Variants in CDC20B observed in about 807,000 individuals in gnomAD.
The protein encoded by CDC20B is cell division cycle 20B.
CDC20B carries 58 observed loss-of-function variants against 64.1 expected under a neutral mutation model. That is an observed-to-expected ratio of 0.90 (90% CI 0.73 to 1.13). The LOEUF is 1.13. CDC20B is among the 50% of genes most tolerant of loss of function. CDC20B has a pLI of 0.00. For missense variants in CDC20B, 597 were observed against 633.0 expected (o/e 0.94, Z 0.61); for synonymous variants, 243 against 230.6 (o/e 1.05, Z -0.49).
At chr5:55,119,756 C>A in intron 11 of CDC20B, 45 bp downstream of exon 11, 1 of 1,159,506 alleles carries the variant, frequency 8.6e-7, no homozygotes. Flanking sequence ...AACAACAGCT[C>A]ACTTTGCTAT....
intron 2 of CDC20B, among the ~76,000 whole-genome samples, chr5:55,149,236 G>A (rs1191154443): frequency 1.3e-5 from 2 of 152,164 alleles, no homozygotes; most frequent in South Asian, 2.1e-4. Context: ...GTAAGGATGC[G>A]AAGAAACTGG....
intron 2 of CDC20B, among the ~76,000 whole-genome samples, chr5:55,149,286 G>T (rs998072642): frequency 2.0e-5 from 3 of 152,208 alleles, no homozygotes; most frequent in Admixed American, 6.5e-5. Context: ...GTGAAAGGAT[G>T]CAGTCATTGT....
chr5:55,160,192 CA>C (rs766258930), intron 2 of CDC20B: 2 of 1,612,602 alleles, frequency 1.2e-6, no homozygotes, highest in Non-Finnish European at 1.7e-6. Flanking sequence ...AATCCTCCAA[CA>C]TGGAGCCTCT....
Position 55,137,993 on chromosome 5 carries a change from T to C in CDC20B, c.580+2321A>G, listed in dbSNP as rs569243003. The stretch of plus-strand genomic sequence containing the variant: ...GTGGGTTAGTTAAAAGACTGTCAAG[T>C]TCCCACACATACACACACACCCTGC... On this transcript the variant is annotated intron_variant, in intron 5 of 11. Transcript: ENST00000381375. Among the ~76,000 whole-genome samples, 3 of 151,986 alleles carry C rather than the reference T, an allele frequency of 2.0e-5. No individual in the cohort carries two copies. In the East Asian group the frequency reaches 5.8e-4, roughly 29 times the overall value.
At chr5:55,120,010 G>A in intron 10 of CDC20B, 92 bp from the exon 11 acceptor site, 2 of 902,594 alleles carry the variant, frequency 2.2e-6, no homozygotes, top group Middle Eastern at 2.3e-4. Flanking sequence ...CACTGTCCAT[G>A]ACCCAACCTC....
At chr5:55,142,674 A>G (rs1743363157) in intron 4 of CDC20B, among the ~76,000 whole-genome samples, 1 of 152,138 alleles carries the variant, frequency 6.6e-6, no homozygotes, top group African/African-American at 2.4e-5. Flanking sequence ...GCCATTCCCT[A>G]TCCCCCAAAC....
chr5:55,150,935 G>A (rs994613730), intron 2 of CDC20B, among the ~76,000 whole-genome samples: 4 of 151,988 alleles, frequency 2.6e-5, no homozygotes, highest in Non-Finnish European at 5.9e-5. Context: ...TTGGAGAGAC[G>A]GGGTTTCACC....
At chr5:55,123,198 A>G (rs1198716163) in intron 9 of CDC20B, among the ~76,000 whole-genome samples, 1 of 152,118 alleles carries the variant, frequency 6.6e-6, no homozygotes, top group African/African-American at 2.4e-5. Context: ...TCAAAATAAA[A>G]TATCTACAAT....
At chr5:55,130,587 G>T (rs1743005833) in intron 6 of CDC20B, among the ~76,000 whole-genome samples, 1 of 152,126 alleles carries the variant, frequency 6.6e-6, no homozygotes, top group Non-Finnish European at 1.5e-5. Context: ...CTGGAAGATG[G>T]AAAATCTAAC....
rs762014074 is a variant in CDC20B, at chr5:55,124,959, G to A, written c.1059C>T (p.Arg353=). 6.2e-7 allele frequency: 1 copy of A among 1,614,156 alleles called. No individual in the cohort carries two copies. Among genetic ancestry groups the A allele is most frequent in the South Asian group, 1.1e-5 (1 of 91,086 alleles). ...RVAQHHVGTL[R]HKQAVCALKW... is the part of the protein sequence containing the mutation. ...TCAGAGCACACACAGCTTGCTTGTGGCGAAGTGTTCCAACATGATGCTGGG... is the reference window on the plus strand; with the variant it reads ...TCAGAGCACACACAGCTTGCTTGTGACGAAGTGTTCCAACATGATGCTGGG... The change falls in exon 9 of 12, where the codon CGC becomes CGT. Residue 353 remains arginine (R), a synonymous_variant. Transcript: ENST00000381375.
chr5:55,137,216 C>A lies in CDC20B; in HGVS notation c.580+3098G>T, dbSNP rs114065334. On this transcript the variant is annotated intron_variant, in intron 5 of 11. Transcript: ENST00000381375. ...AAAAGAAAGAAAGCACTGAGAGCTCCAAATGTAGCATGGAACAGGACCTTC... is the reference window on the plus strand; with the variant it reads ...AAAAGAAAGAAAGCACTGAGAGCTCAAAATGTAGCATGGAACAGGACCTTC... 842 of 165,204 alleles carry A rather than the reference C, an allele frequency of 5.1e-3. 11 individuals are homozygous for A. Among genetic ancestry groups the A allele is most frequent in the African/African-American group, 0.019 (805 of 41,678 alleles). 10.2% of individuals were successfully genotyped at this position (165,204 alleles called of 1,614,324 possible). A position where few individuals can be genotyped will look rare whatever the true frequency, so the allele number is the denominator to read the frequency against.
chr5:55,148,984 A>G (rs1420698023), intron 2 of CDC20B, among the ~76,000 whole-genome samples: 1 of 152,234 alleles, frequency 6.6e-6, no homozygotes, highest in Non-Finnish European at 1.5e-5. Flanking sequence ...CTCTCAACTG[A>G]GAACATGAGG....
chr5:55,131,669 TA>T (rs1341993754), intron 6 of CDC20B, among the ~76,000 whole-genome samples: 1 of 152,172 alleles, frequency 6.6e-6, no homozygotes, highest in Non-Finnish European at 1.5e-5. Flanking sequence ...TGATGAGACT[TA>T]AAACTTGACT....
intron 2 of CDC20B, among the ~76,000 whole-genome samples, chr5:55,156,890 A>G (rs1338005268): frequency 6.6e-6 from 1 of 152,144 alleles, no homozygotes; most frequent in African/African-American, 2.4e-5. Context: ...TAATAATAAT[A>G]AATAAAAAAA....
intron 11 of CDC20B, among the ~76,000 whole-genome samples, chr5:55,116,023 G>A (rs968023936): frequency 6.6e-6 from 1 of 152,150 alleles, no homozygotes; most frequent in African/African-American, 2.4e-5. Flanking sequence ...TATTTTATAG[G>A]TGAGGGAAAA....
intron 2 of CDC20B, among the ~76,000 whole-genome samples, chr5:55,153,475 C>T (rs1423736507): frequency 6.6e-6 from 1 of 152,006 alleles, no homozygotes; most frequent in East Asian, 1.9e-4. Context: ...AAAATACATG[C>T]CCCCTGATAG....
chr5:55,163,438 T>G (rs1379913977), intron 2 of CDC20B, among the ~76,000 whole-genome samples: 1 of 152,088 alleles, frequency 6.6e-6, no homozygotes, highest in Non-Finnish European at 1.5e-5. Flanking sequence ...ATACAAAAAT[T>G]TGCCTGGTGT....
At chr5:55,146,386 A>G (rs1743475668) in intron 3 of CDC20B, among the ~76,000 whole-genome samples, 1 of 152,066 alleles carries the variant, frequency 6.6e-6, no homozygotes, top group East Asian at 1.9e-4. Context: ...TGCACAATTA[A>G]CTTTGTAAAA....
intron 2 of CDC20B, among the ~76,000 whole-genome samples, chr5:55,157,339 A>G (rs1165773247): frequency 6.6e-6 from 1 of 152,252 alleles, no homozygotes; most frequent in Non-Finnish European, 1.5e-5. Flanking sequence ...AAAGACTGCC[A>G]AAACAACAAA....
Sources: allele counts gnomAD v4.1 joint callset (sites outside exome capture counted in the v4.1 genomes callset), GRCh38; gene constraint gnomAD v4.1.1; transcripts MANE v1.5; gene names NCBI Gene and HGNC (gene_info 2026-07-23, HGNC 2026-07-21).